Variants in ARHGAP8 observed in about 807,000 individuals in gnomAD.
The protein encoded by ARHGAP8 is Rho GTPase activating protein 8.
Under a neutral mutation model 46.1 loss-of-function variants are expected in ARHGAP8, and 62 were observed. The ratio of observed to expected loss-of-function variants is 1.34; its 90% CI spans 1.10 to 1.66. ARHGAP8 has a LOEUF of 1.66. Ranked by LOEUF, ARHGAP8 falls within the 40% of genes most tolerant of loss-of-function variation. The probability of loss-of-function intolerance (pLI) is 0.00; values close to 1 mark genes in which losing one functional copy is unlikely to be tolerated. For missense variants in ARHGAP8, 923 were observed against 568.4 expected (o/e 1.62, Z -6.34); for synonymous variants, 375 against 243.1 (o/e 1.54, Z -5.05).
At chr22:44,806,705 A>G (rs1427289561) in intron 3 of ARHGAP8, among the ~76,000 whole-genome samples, 1 of 152,144 alleles carries the variant, frequency 6.6e-6, no homozygotes, top group Non-Finnish European at 1.5e-5. Flanking sequence ...CTGTAATCCC[A>G]GCACTTTGGG....
chr22:44,832,172 C>T, intron 7 of ARHGAP8, among the ~76,000 whole-genome samples: 1 of 120,760 alleles, frequency 8.3e-6, no homozygotes, highest in African/African-American at 3.1e-5. Context: ...GTTTTTTGAA[C>T]TTTTTTGTTA....
chr22:44,829,767 C>T (rs1328206391), intron 7 of ARHGAP8, among the ~76,000 whole-genome samples: 1 of 152,212 alleles, frequency 6.6e-6, no homozygotes, highest in Non-Finnish European at 1.5e-5. Flanking sequence ...ATCCTATTCA[C>T]AAATGTTAAT....
intron 7 of ARHGAP8, among the ~76,000 whole-genome samples, chr22:44,830,191 G>A (rs1417613598): frequency 6.6e-6 from 1 of 151,216 alleles, no homozygotes; most frequent in Non-Finnish European, 1.5e-5. Context: ...GTCCAGCTAA[G>A]TTTTGTATTT....
chr22:44,848,395 C>T (rs969041321), intron 9 of ARHGAP8, among the ~76,000 whole-genome samples: 2 of 152,250 alleles, frequency 1.3e-5, no homozygotes, highest in Non-Finnish European at 1.5e-5. Context: ...CGAATTGGCT[C>T]AGCACGGCTT....
At chr22:44,753,085 A>G (rs1226280703) in intron 1 of ARHGAP8, among the ~76,000 whole-genome samples, 1 of 151,622 alleles carries the variant, frequency 6.6e-6, no homozygotes, top group Admixed American at 6.6e-5. Flanking sequence ...CCAAACCTAC[A>G]AGGTGGGTGA....
At chr22:44,786,942 G>A (rs1199505451) in intron 2 of ARHGAP8, among the ~76,000 whole-genome samples, 3 of 151,122 alleles carry the variant, frequency 2.0e-5, no homozygotes, top group Admixed American at 6.6e-5. Context: ...GCTTCAGCCC[G>A]GGAGGCAGAG....
At chr22:44,783,282 C>G (rs1017544690) in intron 1 of ARHGAP8, among the ~76,000 whole-genome samples, 1 of 152,008 alleles carries the variant, frequency 6.6e-6, no homozygotes, top group Non-Finnish European at 1.5e-5. Context: ...GGCTTTGCCA[C>G]TCTCTGAGTG....
At chr22:44,845,476 T>A (rs2069931776) in intron 8 of ARHGAP8, 134 bp downstream of exon 8, 3 of 1,227,492 alleles carry the variant, frequency 2.4e-6, no homozygotes, top group Non-Finnish European at 3.4e-6. Flanking sequence ...GCACAGTGGC[T>A]CCAGGTCTGG....
intron 1 of ARHGAP8, among the ~76,000 whole-genome samples, chr22:44,779,513 C>T (rs957140576): frequency 1.3e-5 from 2 of 151,664 alleles, no homozygotes; most frequent in Non-Finnish European, 2.9e-5. Context: ...CTGCCATTTA[C>T]ATCTCCTTTG....
At chr22:44,785,204 T>G (rs1569143593) in intron 1 of ARHGAP8, among the ~76,000 whole-genome samples, 1 of 152,170 alleles carries the variant, frequency 6.6e-6, no homozygotes, top group Non-Finnish European at 1.5e-5. Flanking sequence ...AAGCCAGTGC[T>G]TTCTCCTCGG....
At chr22:44,781,570 C>G (rs564855248) in intron 1 of ARHGAP8, among the ~76,000 whole-genome samples, 2 of 152,298 alleles carry the variant, frequency 1.3e-5, no homozygotes, top group Non-Finnish European at 2.9e-5. Context: ...GTTGCCCAAG[C>G]TGGAGTGCGA....
chr22:44,816,502 GTCC>G (rs1268930176), intron 5 of ARHGAP8, among the ~76,000 whole-genome samples: 1 of 152,094 alleles, frequency 6.6e-6, no homozygotes, highest in Non-Finnish European at 1.5e-5. Flanking sequence ...GCAAGCACTG[GTCC>G]TTGGGCACAT....
At chr22:44,791,501 C>T (rs554867748) in intron 2 of ARHGAP8, among the ~76,000 whole-genome samples, 4 of 152,164 alleles carry the variant, frequency 2.6e-5, no homozygotes, top group Non-Finnish European at 4.4e-5. Flanking sequence ...ATCAGGAGTT[C>T]GAGACCAGCC....
intron 5 of ARHGAP8, among the ~76,000 whole-genome samples, chr22:44,815,419 A>G (rs1214621444): frequency 1.3e-5 from 2 of 151,222 alleles, no homozygotes; most frequent in African/African-American, 4.9e-5. Context: ...CCCCGCCCTC[A>G]ATCACATTGT....
chr22:44,824,634 C>CTT (rs10571764), intron 6 of ARHGAP8, among the ~76,000 whole-genome samples: 2 of 131,748 alleles, frequency 1.5e-5, no homozygotes, highest in African/African-American at 5.6e-5. Context: ...TTCTTCTTTT[C>CTT]TTTTTTTTTT....
chr22:44,821,734 A>G (rs1281190082), intron 5 of ARHGAP8, among the ~76,000 whole-genome samples: 1 of 152,054 alleles, frequency 6.6e-6, no homozygotes, highest in South Asian at 2.1e-4. Flanking sequence ...AGGAGGGAGA[A>G]CCCCCACTTT....
chr22:44,824,002 C>A (rs918926126), intron 6 of ARHGAP8, among the ~76,000 whole-genome samples: 2 of 152,130 alleles, frequency 1.3e-5, no homozygotes, highest in African/African-American at 2.4e-5. Flanking sequence ...CCAGAGGACA[C>A]GTCCAATGCT....
chr22:44,806,740 G>T (rs1046826033), intron 3 of ARHGAP8, among the ~76,000 whole-genome samples: 1 of 151,886 alleles, frequency 6.6e-6, no homozygotes, highest in East Asian at 1.9e-4. Flanking sequence ...GGATCACGAG[G>T]TCAGAAGATC....
At chr22:44,806,449 G>A (rs947491477) in intron 3 of ARHGAP8, among the ~76,000 whole-genome samples, 2 of 152,196 alleles carry the variant, frequency 1.3e-5, no homozygotes, top group African/African-American at 4.8e-5. Context: ...TCTCAGAGAC[G>A]CTGAGTGTGT....
Sources: allele counts gnomAD v4.1 joint callset (sites outside exome capture counted in the v4.1 genomes callset), GRCh38; gene constraint gnomAD v4.1.1; transcripts MANE v1.5; gene names NCBI Gene and HGNC (gene_info 2026-07-23, HGNC 2026-07-21).